The following SIPA1L3 variants were observed in gnomAD, a reference collection of about 807,000 sequenced individuals.
The protein encoded by SIPA1L3 is signal-induced proliferation-associated 1-like protein 3.
In SIPA1L3, 59 loss-of-function variants were observed where a neutral mutation model predicts 150.1. That is an observed-to-expected ratio of 0.39 (90% confidence interval 0.32 to 0.49). The LOEUF (loss-of-function observed/expected upper bound fraction) is 0.49, where lower values mean the gene tolerates loss of function less well. Among genes scored for constraint, SIPA1L3 ranks in the 20% least tolerant of loss-of-function variants. The pLI is 0.86. For synonymous variants in SIPA1L3, 1,070 were observed against 1,077.6 expected (o/e 0.99, Z 0.14); for missense variants, 2,211 against 2,489.5 (o/e 0.89, Z 2.38).
intron 14 of SIPA1L3, among the ~76,000 whole-genome samples, chr19:38,163,254 C>T (rs2145982166): frequency 6.6e-6 from 1 of 152,250 alleles, no homozygotes; most frequent in Admixed American, 6.5e-5. Flanking sequence ...CTTTAGGAGG[C>T]CAAGGCGGAC....
intron 1 of SIPA1L3, among the ~76,000 whole-genome samples, chr19:38,019,165 C>A (rs1195806121): frequency 6.6e-6 from 1 of 152,184 alleles, no homozygotes; most frequent in Non-Finnish European, 1.5e-5. Flanking sequence ...GTAACAGACA[C>A]CAGAAATAAC....
intron 20 of SIPA1L3, chr19:38,203,841 C>T (rs527928040): frequency 1.0e-3 from 413 of 412,858 alleles, no homozygotes; most frequent in Non-Finnish European, 1.5e-3. Context: ...CCTGAAGTCA[C>T]ATGCACGGCC....
intron 15 of SIPA1L3, among the ~76,000 whole-genome samples, chr19:38,165,887 C>T (rs1384868459): frequency 1.3e-5 from 2 of 152,160 alleles, no homozygotes; most frequent in South Asian, 2.1e-4. Context: ...CTCGGCCTCC[C>T]GAGTAGCTGA....
chr19:38,164,740 C>T lies in SIPA1L3; in HGVS notation c.4042C>T (p.Arg1348Cys), dbSNP rs200194833. 264 of 1,612,682 alleles carry T rather than the reference C, an allele frequency of 1.6e-4. 1 individual carries two copies. The highest frequency in any genetic ancestry group is 5.3e-4 in the South Asian group (48 of 90,956). ...PGSMGLCGGG[R>C]EAAGRSHHAD... is the part of the protein sequence containing the mutation. ...AAGTATGGGCCTTTGTGGCGGGGGT[C>T]GCGAGGCCGCTGGGAGGTCCCACCA... Residue 1348 changes from arginine (R) to cysteine (C), a missense_variant, in exon 15 of 22, where the codon CGC (arginine) becomes TGC (cysteine). Arg to Cys is a radical substitution (Grantham distance 180). This residue lies in a region of SIPA1L3 where 806 missense variants were observed against 870.1 expected (regional missense o/e 0.93). Coordinates refer to ENST00000222345, the MANE Select transcript of SIPA1L3 (RefSeq NM_015073.3). This position sits in a 1 kb window ranked among gnomAD's most constrained non-coding sequence, Gnocchi z 4.1.
At chr19:37,912,638 G>A (rs1414839145) in intron 1 of SIPA1L3, among the ~76,000 whole-genome samples, 1 of 152,118 alleles carries the variant, frequency 6.6e-6, no homozygotes, top group Non-Finnish European at 1.5e-5. Context: ...TGGGGCTACA[G>A]GTGTGCACCA....
At chr19:38,098,640 C>T (rs547479497) in intron 4 of SIPA1L3, among the ~76,000 whole-genome samples, 23 of 152,218 alleles carry the variant, frequency 1.5e-4, no homozygotes, top group Admixed American at 1.3e-3. Context: ...AGTGGTCCGC[C>T]CGCCTCGGCC....
chr19:38,159,882 A>G (rs996854564), intron 13 of SIPA1L3, among the ~76,000 whole-genome samples: 11 of 152,244 alleles, frequency 7.2e-5, no homozygotes, highest in African/African-American at 2.4e-4. Context: ...CATAGTGATC[A>G]AAAGTCAGCT....
chr19:37,944,506 A>T (rs1171582913), intron 1 of SIPA1L3, among the ~76,000 whole-genome samples: 1 of 152,110 alleles, frequency 6.6e-6, no homozygotes, highest in East Asian at 1.9e-4. Flanking sequence ...TGATTTCTCC[A>T]TCTTTAAAAT....
chr19:38,052,821 G>GCCCCC (rs1304083870), intron 2 of SIPA1L3, among the ~76,000 whole-genome samples: 5 of 152,152 alleles, frequency 3.3e-5, no homozygotes, highest in Non-Finnish European at 7.3e-5. Flanking sequence ...TGCCGGAGGA[G>GCCCCC]TCCCCTCCAA....
chr19:38,064,256 C>T (rs539274541), intron 2 of SIPA1L3, among the ~76,000 whole-genome samples: 29 of 152,328 alleles, frequency 1.9e-4, no homozygotes, highest in African/African-American at 6.5e-4. Flanking sequence ...GCGCCCCACC[C>T]GGCCCTGGCA....
intron 1 of SIPA1L3, among the ~76,000 whole-genome samples, chr19:37,919,582 C>G (rs193240983): frequency 6.6e-6 from 1 of 152,204 alleles, no homozygotes; most frequent in South Asian, 2.1e-4. Context: ...AACAGACAGA[C>G]GAACAGATGG....
chr19:38,101,793 C>T (rs1473812643), intron 6 of SIPA1L3, among the ~76,000 whole-genome samples: 1 of 151,946 alleles, frequency 6.6e-6, no homozygotes, highest in Non-Finnish European at 1.5e-5. Flanking sequence ...CTCCTGCACT[C>T]CTAGGTATGC....
At chr19:37,942,523 G>C (rs1599821587) in intron 1 of SIPA1L3, among the ~76,000 whole-genome samples, 1 of 140,650 alleles carries the variant, frequency 7.1e-6, no homozygotes, top group South Asian at 2.6e-4. Context: ...TGTGGGGTGG[G>C]GGTGGGAAGG....
intron 18 of SIPA1L3, among the ~76,000 whole-genome samples, chr19:38,195,617 G>A (rs1368157387): frequency 1.3e-5 from 2 of 152,318 alleles, no homozygotes; most frequent in East Asian, 3.9e-4. Flanking sequence ...AAAGGACGGG[G>A]ACAGCGGCCA....
At chr19:38,161,079 C>T (rs1053433862) in intron 13 of SIPA1L3, among the ~76,000 whole-genome samples, 1 of 152,076 alleles carries the variant, frequency 6.6e-6, no homozygotes. Flanking sequence ...CACGGTGGCT[C>T]ACATCTGTAA....
chr19:38,171,874 C>T (rs1438760119), intron 15 of SIPA1L3, among the ~76,000 whole-genome samples: 2 of 152,142 alleles, frequency 1.3e-5, no homozygotes, highest in African/African-American at 4.8e-5. Flanking sequence ...ATCACTCCAT[C>T]CTGGGTGACA....
At chr19:38,004,674 T>G (rs1038289900) in intron 1 of SIPA1L3, among the ~76,000 whole-genome samples, 1 of 152,166 alleles carries the variant, frequency 6.6e-6, no homozygotes, top group East Asian at 1.9e-4. Flanking sequence ...GGACTAGCAC[T>G]GGTCATGTGA....
At chr19:37,962,146 C>CTTTTTTTTT (rs369762947) in intron 1 of SIPA1L3, among the ~76,000 whole-genome samples, 1 of 142,246 alleles carries the variant, frequency 7.0e-6, no homozygotes, top group African/African-American at 2.6e-5. Context: ...TTCTTTCATT[C>CTTTTTTTTT]TTTTTTTTTT....
At chr19:38,087,724 AAAC>A (rs1970165557) in intron 3 of SIPA1L3, 1 of 152,332 alleles carries the variant, frequency 6.6e-6, no homozygotes, top group South Asian at 2.1e-4. Flanking sequence ...CTAAGGGAAA[AAAC>A]AGCAGTGTTG....
Sources: gnomAD v4.1 joint callset for allele counts (sites outside exome capture counted in the v4.1 genomes callset) on GRCh38, gnomAD v4.1.1 for gene constraint, gnomAD v4.1.1 regional missense constraint, Gnocchi (gnomAD v3.1) non-coding constraint, MANE v1.5 for transcripts, NCBI Gene and HGNC (gene_info 2026-07-23, HGNC 2026-07-21) for gene names.